Variants in EML6 observed in about 807,000 individuals in gnomAD.
EML6 encodes echinoderm microtubule-associated protein-like 6.
A neutral mutation model predicts 240.1 loss-of-function variants in EML6; 154 were observed. The ratio of observed to expected loss-of-function variants is 0.64; its 90% confidence interval spans 0.56 to 0.73. The LOEUF is 0.73. Among genes scored for constraint, EML6 ranks in the 30% least tolerant of loss-of-function variants. The probability of loss-of-function intolerance (pLI) is 0.00; values close to 1 mark genes in which losing one functional copy is unlikely to be tolerated. For missense variants in EML6, 2,964 were observed against 2,474.6 expected, an observed-to-expected ratio of 1.20 and a Z score of -4.20; for synonymous variants, 1,148 against 899.0, an observed-to-expected ratio of 1.28 and a Z score of -4.95.
At chr2:54,907,760 T>C (rs1245073210) in intron 24 of EML6, among the ~76,000 whole-genome samples, 1 of 152,164 alleles carries the variant, frequency 6.6e-6, no homozygotes, top group Non-Finnish European at 1.5e-5. Context: ...ATATTTCCAG[T>C]GAATAAAAAT....
intron 5 of EML6, among the ~76,000 whole-genome samples, chr2:54,825,041 T>C (rs531935674): frequency 3.9e-5 from 6 of 152,244 alleles, no homozygotes; most frequent in Admixed American, 1.3e-4. Flanking sequence ...GTGGGCCTTA[T>C]ACCATCTGAC....
chr2:54,822,981 G>C (rs1324173778), intron 5 of EML6, among the ~76,000 whole-genome samples: 1 of 152,122 alleles, frequency 6.6e-6, no homozygotes, highest in African/African-American at 2.4e-5. Context: ...GAAAACATCA[G>C]CTGAAATCTA....
At position 54,879,549 on chromosome 2, in the gene EML6, G is replaced by T. The variant is rs956811924; in HGVS notation, c.2347G>T (p.Asp783Tyr). 2 of 1,548,904 alleles carry T rather than the reference G, an allele frequency of 1.3e-6. No individual in the cohort carries two copies. Among genetic ancestry groups the T allele is most frequent in the Admixed American group, 3.9e-5 (2 of 50,870 alleles). The change falls in exon 17 of 42, where the codon GAT becomes TAT. Residue 783 changes from aspartate to tyrosine, a missense_variant and splice_region_variant. By Grantham distance (160) the Asp-to-Tyr change is radical. Coordinates refer to ENST00000356458, the MANE Select transcript of EML6 (RefSeq NM_001039753.4). ...RGVCALDFSA[D>Y]GKCLVSVGLD... ...ACATTTGTGTTGTTTTCATACAGCC[G>T]ATGGAAAATGTCTGGTGTCGGTTGG...
intron 24 of EML6, among the ~76,000 whole-genome samples, chr2:54,904,842 G>A (rs4671991): frequency 0.14 from 21,894 of 152,204 alleles, 2,021 homozygotes; most frequent in South Asian, 0.28. Flanking sequence ...TGCCAAAAAG[G>A]TTATTTCAGA....
intron 2 of EML6, among the ~76,000 whole-genome samples, chr2:54,770,394 A>C (rs748140543): frequency 6.6e-6 from 1 of 152,198 alleles, no homozygotes; most frequent in Non-Finnish European, 1.5e-5. Flanking sequence ...ATGGTTCCTC[A>C]TTCCTGTGGG....
chr2:54,926,992 T>C (rs1050495982), intron 26 of EML6, among the ~76,000 whole-genome samples: 3 of 152,236 alleles, frequency 2.0e-5, no homozygotes, highest in Admixed American at 1.3e-4. Flanking sequence ...CTGGATGTGC[T>C]CCTGCTTCCA....
At chr2:54,946,255 C>G (rs1195140249) in intron 28 of EML6, among the ~76,000 whole-genome samples, 3 of 152,164 alleles carry the variant, frequency 2.0e-5, no homozygotes, top group African/African-American at 4.8e-5. Context: ...CCCTTTGTGT[C>G]TCTGCTCCTC....
chr2:54,829,342 G>C lies in EML6; in HGVS notation c.712G>C (p.Ala238Pro). The C allele has an allele frequency of 6.4e-7, 1 of 1,551,404 alleles. No homozygotes were observed. Among genetic ancestry groups the C allele is most frequent in the South Asian group, 1.2e-5 (1 of 84,012 alleles). The change falls in exon 7 of 42, where the codon GCT (alanine) becomes CCT (proline). Residue 238 changes from alanine to proline, a missense_variant and splice_region_variant. Coordinates refer to ENST00000356458, the MANE Select transcript of EML6 (RefSeq NM_001039753.4). ...GAGTATTACCTGTTTTAATCAACAG[G>C]CTGGAATCTTTAGCATGTATGCTTG... ...LVRTIQGAHSAGIFSMYACEE... is the reference protein window; with the variant it reads ...LVRTIQGAHSPGIFSMYACEE...
chr2:54,864,683 G>A (rs1670870972), intron 13 of EML6, among the ~76,000 whole-genome samples: 1 of 152,176 alleles, frequency 6.6e-6, no homozygotes, highest in South Asian at 2.1e-4. Context: ...ATAGGCCTAT[G>A]GCAGCTACCA....
chr2:54,944,915 A>T (rs1342934657), intron 28 of EML6, among the ~76,000 whole-genome samples: 5 of 151,380 alleles, frequency 3.3e-5, no homozygotes, highest in East Asian at 3.9e-4. Context: ...GGCTTTGGAG[A>T]TTTTTCCTAA....
Position 54,895,421 on chromosome 2 carries a change from A to C in EML6, c.2982+21A>C, listed in dbSNP as rs968150084. 33 of 1,551,354 alleles carry C rather than the reference A, an allele frequency of 2.1e-5. 1 individual carries two copies. The Middle Eastern group carries it at 5.0e-4, about 24-fold the overall frequency. The stretch of plus-strand genomic sequence containing the variant: ...TTCAGGTACTGTTTGTATGTATTCT[A>C]AACTGCAGTTCACATCAAGGCTGGG... On this transcript the variant is annotated intron_variant, in intron 21 of 41. Coordinates refer to ENST00000356458, the MANE Select transcript of EML6 (RefSeq NM_001039753.4).
At chr2:54,931,596 A>G (rs1250668916) in intron 28 of EML6, among the ~76,000 whole-genome samples, 1 of 152,176 alleles carries the variant, frequency 6.6e-6, no homozygotes, top group Non-Finnish European at 1.5e-5. Context: ...TTTGAGAGGC[A>G]GGGGTTTTCC....
rs1312406655 is a variant in EML6 at position 54,827,551 on chromosome 2, T to C, written c.526-15T>C. ...TACTCTATCTTGGAGATCTATTTTA[T>C]CACTTACATTGTAGTTTTGGACACT... On this transcript the variant is annotated splice_polypyrimidine_tract_variant and intron_variant, in intron 5 of 41. Transcript: ENST00000356458. The C allele has an allele frequency of 6.5e-7, 1 of 1,547,448 alleles. No homozygotes were observed. The highest frequency in any genetic ancestry group is 2.0e-5 in the Admixed American group (1 of 50,992).
intron 31 of EML6, 138 bp downstream of exon 31, chr2:54,952,830 G>A: frequency 4.8e-6 from 3 of 630,488 alleles, no homozygotes; most frequent in Non-Finnish European, 8.5e-6. Flanking sequence ...TTTGAGTCCT[G>A]AGTGTATCTG....
chr2:54,961,828 A>C (rs143313119), intron 35 of EML6, among the ~76,000 whole-genome samples: 3,365 of 151,350 alleles, frequency 0.022, 65 homozygotes, highest in South Asian at 0.037. Context: ...ATATGGTAAA[A>C]CCCCATCTCT....
intron 28 of EML6, among the ~76,000 whole-genome samples, chr2:54,942,952 A>G (rs183932724): frequency 1.3e-5 from 2 of 151,924 alleles, no homozygotes; most frequent in East Asian, 3.9e-4. Flanking sequence ...CTTCTCCCCT[A>G]CATTCCTCCT....
chr2:54,850,261 T>A (rs962669053), intron 10 of EML6, 43 bp downstream of exon 10: 6 of 1,528,012 alleles, frequency 3.9e-6, no homozygotes, highest in Admixed American at 4.0e-5. Flanking sequence ...AAAGCAAAAT[T>A]TTGAACCAGG....
chr2:54,899,295 T>C (rs565367717), intron 21 of EML6, among the ~76,000 whole-genome samples: 16 of 152,326 alleles, frequency 1.1e-4, no homozygotes, highest in African/African-American at 3.6e-4. Context: ...ATATATACTA[T>C]GTTTATTTAG....
At chr2:54,901,577 A>G (rs1396446585) in intron 22 of EML6, among the ~76,000 whole-genome samples, 2 of 152,230 alleles carry the variant, frequency 1.3e-5, no homozygotes, top group Admixed American at 6.5e-5. Context: ...TGGTATAATT[A>G]TTAATAGCTT....
Sources: allele counts gnomAD v4.1 joint callset (sites outside exome capture counted in the v4.1 genomes callset), GRCh38; gene constraint gnomAD v4.1.1; transcripts MANE v1.5; gene names NCBI Gene and HGNC (gene_info 2026-07-23, HGNC 2026-07-21).